The following ATRNL1 variants were observed in gnomAD, a reference collection of about 807,000 sequenced individuals.
ATRNL1 encodes attractin-like protein 1.
ATRNL1 carries 95 observed loss-of-function variants against 182.7 expected under a neutral mutation model. The ratio of observed to expected loss-of-function variants is 0.52; its 90% CI spans 0.44 to 0.62. The LOEUF is 0.62. Among genes scored for constraint, ATRNL1 ranks in the 20% least tolerant of loss-of-function variants. The pLI is 0.00. For synonymous variants in ATRNL1, 576 were observed against 568.3 expected, an observed-to-expected ratio of 1.01 and a Z score of -0.19; for missense variants, 1,471 against 1,679.5, an observed-to-expected ratio of 0.88 and a Z score of 2.17.
At chr10:115,515,872 T>C (rs1407296165) in intron 24 of ATRNL1, among the ~76,000 whole-genome samples, 1 of 151,914 alleles carries the variant, frequency 6.6e-6, no homozygotes, top group Non-Finnish European at 1.5e-5. Context: ...ACTTTCTTCT[T>C]GCAACATTTC....
At chr10:115,313,846 T>G (rs1327833683) in intron 17 of ATRNL1, among the ~76,000 whole-genome samples, 1 of 152,202 alleles carries the variant, frequency 6.6e-6, no homozygotes, top group African/African-American at 2.4e-5. Context: ...ATAATTGGAA[T>G]GCCAAGCCAA....
rs1038878202 is a variant in ATRNL1, at chr10:115,479,254, A to G, written c.3654+9925A>G. On this transcript the variant is annotated intron_variant, in intron 24 of 28. Transcript: ENST00000355044. ...GTTCCTAAATTATATGTGTTGTAAA[A>G]GTTTCTTGTAGTACCATAGTCTTAT... 2.0e-5 allele frequency among the ~76,000 whole-genome samples: 3 copies of G among 151,546 alleles called. No homozygotes were observed. The East Asian group carries it at 5.8e-4, about 29-fold the overall frequency.
At chr10:115,754,232 C>A (rs1254986970) in intron 27 of ATRNL1, among the ~76,000 whole-genome samples, 1 of 152,128 alleles carries the variant, frequency 6.6e-6, no homozygotes, top group African/African-American at 2.4e-5. Context: ...GTGTTTTAGT[C>A]ATGAAGTCTT....
intron 28 of ATRNL1, among the ~76,000 whole-genome samples, chr10:115,942,521 C>G (rs1953760533): frequency 1.3e-5 from 2 of 152,236 alleles, no homozygotes; most frequent in African/African-American, 4.8e-5. Context: ...TTTCCTCTTA[C>G]AGTGCTCACA....
intron 28 of ATRNL1, among the ~76,000 whole-genome samples, chr10:115,861,654 C>T (rs1335750834): frequency 6.6e-6 from 1 of 152,176 alleles, no homozygotes; most frequent in African/African-American, 2.4e-5. Flanking sequence ...TGTCTCAAGT[C>T]TTAGTAGTCA....
At chr10:115,670,829 C>G (rs1435532139) in intron 26 of ATRNL1, among the ~76,000 whole-genome samples, 10 of 152,084 alleles carry the variant, frequency 6.6e-5, no homozygotes, top group African/African-American at 2.2e-4. Context: ...ATGTTGATCT[C>G]TTACCTTTGT....
At chr10:115,688,774 G>T (rs1371539427) in intron 26 of ATRNL1, among the ~76,000 whole-genome samples, 1 of 152,078 alleles carries the variant, frequency 6.6e-6, no homozygotes, top group Non-Finnish European at 1.5e-5. Context: ...TATTCACTCT[G>T]CTGATGGTTT....
chr10:115,150,840 A>G (rs1473134865), intron 5 of ATRNL1, among the ~76,000 whole-genome samples: 3 of 152,280 alleles, frequency 2.0e-5, no homozygotes, highest in Non-Finnish European at 4.4e-5. Flanking sequence ...CATCATTTAC[A>G]TTAGGTATAT....
At chr10:115,286,112 AT>A (rs1852599259) in intron 14 of ATRNL1, 103 bp from the exon 15 acceptor site, 1 of 606,574 alleles carries the variant, frequency 1.6e-6, no homozygotes, top group Non-Finnish European at 2.9e-6. Flanking sequence ...AATATGTTTT[AT>A]TTCAAAAATA....
chr10:115,124,486 C>A (rs1230237988), intron 3 of ATRNL1, among the ~76,000 whole-genome samples: 1 of 152,120 alleles, frequency 6.6e-6, no homozygotes, highest in Non-Finnish European at 1.5e-5. Flanking sequence ...GGAAGCTCAT[C>A]TGAGCTTCAG....
intron 17 of ATRNL1, among the ~76,000 whole-genome samples, chr10:115,309,653 A>G (rs1554927239): frequency 6.6e-6 from 1 of 152,114 alleles, no homozygotes; most frequent in African/African-American, 2.4e-5. Flanking sequence ...TTGATTTATC[A>G]AATCTAGGAG....
intron 21 of ATRNL1, among the ~76,000 whole-genome samples, chr10:115,452,238 T>G (rs1847315816): frequency 6.6e-6 from 1 of 152,168 alleles, no homozygotes; most frequent in East Asian, 1.9e-4. Flanking sequence ...CATATACTTC[T>G]GAACCTAAAA....
At chr10:115,334,608 A>T (rs1554936143) in intron 19 of ATRNL1, among the ~76,000 whole-genome samples, 189 bp downstream of exon 19, 1 of 152,212 alleles carries the variant, frequency 6.6e-6, no homozygotes, top group Non-Finnish European at 1.5e-5. Flanking sequence ...ATTCAAAAAT[A>T]TTCCTTTTTC....
intron 27 of ATRNL1, among the ~76,000 whole-genome samples, chr10:115,740,523 T>A (rs1948106004): frequency 6.6e-6 from 1 of 151,162 alleles, no homozygotes; most frequent in Non-Finnish European, 1.5e-5. Flanking sequence ...ATTTTGTTTT[T>A]TTGAGACGGA....
chr10:115,194,690 ATAT>A (rs1171265515), intron 8 of ATRNL1, among the ~76,000 whole-genome samples: 2 of 151,822 alleles, frequency 1.3e-5, no homozygotes, highest in African/African-American at 2.4e-5. Context: ...TTTACATTCA[ATAT>A]TATTATTGAT....
At chr10:115,803,144 C>T (rs1555084752) in intron 27 of ATRNL1, among the ~76,000 whole-genome samples, 2 of 152,114 alleles carry the variant, frequency 1.3e-5, no homozygotes, top group African/African-American at 4.8e-5. Context: ...AGGCAAAATG[C>T]TGCAGCTGAA....
chr10:115,941,119 A>G (rs1953719290), intron 28 of ATRNL1, among the ~76,000 whole-genome samples: 1 of 152,208 alleles, frequency 6.6e-6, no homozygotes, highest in South Asian at 2.1e-4. Flanking sequence ...ACACTTAAAT[A>G]TCTCTGCCTA....
At chr10:115,852,518 T>C (rs1951080121) in intron 28 of ATRNL1, among the ~76,000 whole-genome samples, 1 of 152,164 alleles carries the variant, frequency 6.6e-6, no homozygotes, top group Non-Finnish European at 1.5e-5. Flanking sequence ...TCTTAATGAT[T>C]CTGTGGAGAT....
chr10:115,911,838 G>A (rs1349407751), intron 28 of ATRNL1, among the ~76,000 whole-genome samples: 2 of 152,132 alleles, frequency 1.3e-5, no homozygotes, highest in Non-Finnish European at 2.9e-5. Context: ...CTCCCCTCAA[G>A]CCGCTGCTGC....
Sources: allele counts gnomAD v4.1 joint callset (sites outside exome capture counted in the v4.1 genomes callset), GRCh38; gene constraint gnomAD v4.1.1; transcripts MANE v1.5; gene names NCBI Gene and HGNC (gene_info 2026-07-23, HGNC 2026-07-21).